Variants in TMEM17 observed in about 807,000 individuals in gnomAD.
The protein encoded by TMEM17 is transmembrane protein 17.
TMEM17 carries 15 observed loss-of-function variants against 19.1 expected under a neutral mutation model. The ratio of observed to expected loss-of-function variants is 0.78; its 90% CI spans 0.52 to 1.21. The LOEUF (loss-of-function observed/expected upper bound fraction) is 1.21, where lower values mean the gene tolerates loss of function less well. Ranked by LOEUF, TMEM17 falls within the 50% of genes most tolerant of loss-of-function variation. TMEM17 has a pLI of 0.00. For missense variants in TMEM17, 245 were observed against 242.3 expected, an observed-to-expected ratio of 1.01 and a Z score of -0.07; for synonymous variants, 103 against 86.9, an observed-to-expected ratio of 1.19 and a Z score of -1.03.
chr2:62,501,508 A>G, intron 3 of TMEM17, 21 bp from the exon 4 acceptor site: 1 of 1,592,378 alleles, frequency 6.3e-7, no homozygotes. Context: ...ACATATCAAG[A>G]GTAATAAAAA....
chr2:62,482,180 C>T, the TMEM17 span, among the ~76,000 whole-genome samples: 77 of 152,318 alleles, frequency 5.1e-4, no homozygotes, highest in African/African-American at 1.8e-3. Flanking sequence ...TCTCTATTGG[C>T]ACAGCCTAAC....
At chr2:62,501,528 TAC>T in intron 3 of TMEM17, 41 bp from the exon 4 acceptor site, 2 of 1,573,512 alleles carry the variant, frequency 1.3e-6, no homozygotes, top group Non-Finnish European at 1.7e-6. Context: ...ATCAGTAAAA[TAC>T]AGTTTCTGTT....
chr2:62,502,240 T>C (rs1370913074), intron 3 of TMEM17, 197 bp downstream of exon 3: 10 of 401,178 alleles, frequency 2.5e-5, no homozygotes, highest in Non-Finnish European at 3.2e-5. Context: ...GTAAATATTA[T>C]TTTCCTCATT....
At chr2:62,464,678 G>A in the TMEM17 span, among the ~76,000 whole-genome samples, 3 of 152,190 alleles carry the variant, frequency 2.0e-5, no homozygotes, top group Non-Finnish European at 4.4e-5. Flanking sequence ...CGGCTGTGTG[G>A]GAGACTGGAG....
the TMEM17 span, among the ~76,000 whole-genome samples, chr2:62,469,435 T>G: frequency 6.6e-6 from 1 of 152,256 alleles, no homozygotes; most frequent in Non-Finnish European, 1.5e-5. Context: ...TCTTTTCAGC[T>G]AATTCTTTTC....
chr2:62,465,903 CTT>C, the TMEM17 span, among the ~76,000 whole-genome samples: 235 of 152,210 alleles, frequency 1.5e-3, no homozygotes, highest in African/African-American at 4.9e-3. Context: ...AAGCAGAAGT[CTT>C]TTAATTTTTT....
chr2:62,461,692 C>G, the TMEM17 span, among the ~76,000 whole-genome samples: 2 of 152,286 alleles, frequency 1.3e-5, no homozygotes, highest in South Asian at 4.2e-4. Flanking sequence ...CATTCCAGAC[C>G]CCCTGAACCT....
At chr2:62,493,005 C>T in the TMEM17 span, among the ~76,000 whole-genome samples, 25 of 152,142 alleles carry the variant, frequency 1.6e-4, no homozygotes, top group Middle Eastern at 0.014. Context: ...GGGTGTTATC[C>T]TGCAGGAAAT....
the TMEM17 span, among the ~76,000 whole-genome samples, chr2:62,459,342 G>C: frequency 3.3e-5 from 5 of 152,336 alleles, no homozygotes; most frequent in Non-Finnish European, 7.3e-5. Flanking sequence ...CACATCACTT[G>C]TTTCTTCGGA....
At chr2:62,482,526 T>C in the TMEM17 span, among the ~76,000 whole-genome samples, 2 of 152,170 alleles carry the variant, frequency 1.3e-5, no homozygotes. Context: ...AGTCTACCCT[T>C]AGTCAGAGGG....
At chr2:62,477,048 A>G in the TMEM17 span, among the ~76,000 whole-genome samples, 1 of 152,166 alleles carries the variant, frequency 6.6e-6, no homozygotes. Flanking sequence ...GATAGTCAAC[A>G]TACGGTGTGT....
intron 3 of TMEM17, 129 bp from the exon 4 acceptor site, chr2:62,501,616 A>T: frequency 2.2e-6 from 2 of 900,994 alleles, no homozygotes; most frequent in Non-Finnish European, 3.3e-6. Flanking sequence ...AAGGAGGATG[A>T]CATGGTCCTT....
At chr2:62,455,989 A>G in the TMEM17 span, among the ~76,000 whole-genome samples, 1 of 152,258 alleles carries the variant, frequency 6.6e-6, no homozygotes, top group Middle Eastern at 3.4e-3. Flanking sequence ...GTGTTTATTG[A>G]CCATTCATAT....
At chr2:62,497,836 G>A (rs545725418), downstream of TMEM17, among the ~76,000 whole-genome samples, 3 of 152,212 alleles carry the variant, frequency 2.0e-5, no homozygotes, top group Non-Finnish European at 2.9e-5. Context: ...AACAAAGAGG[G>A]AAGATGCGCT....
Position 62,500,948 on chromosome 2 carries a change from T to C in TMEM17, c.*261A>G. 3.0e-6 allele frequency: 1 copy of C among 329,822 alleles called. No individual in the cohort carries two copies. The highest frequency in any genetic ancestry group is 5.5e-6 in the Non-Finnish European group (1 of 182,230). The allele number at this position is 329,822 out of a possible 1,614,324, so 20.4% of individuals were successfully genotyped here. ...AAATGACAACCACCAATACATAGAT[T>C]TCTACACTCCTGAAAAAGACAACAA... On this transcript the variant is annotated 3_prime_UTR_variant, in exon 4 of 4. Transcript: ENST00000335390.
the TMEM17 span, among the ~76,000 whole-genome samples, chr2:62,469,533 T>C: frequency 6.6e-6 from 1 of 152,240 alleles, no homozygotes; most frequent in Non-Finnish European, 1.5e-5. Context: ...TTTCTTCTCC[T>C]CACTTTCAGA....
At chr2:62,471,207 A>C in the TMEM17 span, among the ~76,000 whole-genome samples, 1 of 152,152 alleles carries the variant, frequency 6.6e-6, no homozygotes, top group Non-Finnish European at 1.5e-5. Flanking sequence ...TAGGGAAGCT[A>C]AAATGTCCTG....
chr2:62,457,897 C>T, the TMEM17 span, among the ~76,000 whole-genome samples: 6 of 152,266 alleles, frequency 3.9e-5, no homozygotes, highest in Admixed American at 3.3e-4. This position sits in a 1 kb window ranked among gnomAD's most constrained non-coding sequence, Gnocchi z 4.2. Flanking sequence ...TCATTTGTTG[C>T]ACCAACGTTT....
the TMEM17 span, among the ~76,000 whole-genome samples, chr2:62,486,797 C>T: frequency 6.6e-6 from 1 of 152,210 alleles, no homozygotes; most frequent in East Asian, 1.9e-4. Context: ...TCATTTTTAG[C>T]ATGGGCCCTT....
Sources: allele counts gnomAD v4.1 joint callset (sites outside exome capture counted in the v4.1 genomes callset), GRCh38; gene constraint gnomAD v4.1.1; non-coding constraint Gnocchi (gnomAD v3.1); transcripts MANE v1.5; gene names NCBI Gene and HGNC (gene_info 2026-07-23, HGNC 2026-07-21).